Variants in ZNF763 observed in about 807,000 individuals in gnomAD.
ZNF763 encodes the protein zinc finger protein 763.
In ZNF763, 33 loss-of-function variants were observed where a neutral mutation model predicts 38.0. The ratio of observed to expected loss-of-function variants is 0.87; its 90% CI spans 0.66 to 1.16. The LOEUF is 1.16. Among genes scored for constraint, ZNF763 ranks in the 50% most tolerant of loss-of-function variants. ZNF763 has a pLI of 0.00. For synonymous variants in ZNF763, 155 were observed against 160.1 expected, an observed-to-expected ratio of 0.97 and a Z score of 0.24; for missense variants, 423 against 469.1, an observed-to-expected ratio of 0.90 and a Z score of 0.91.
chr19:11,968,025 G>A (rs895824779), intron 1 of ZNF763, among the ~76,000 whole-genome samples: 3 of 152,274 alleles, frequency 2.0e-5, no homozygotes, highest in Middle Eastern at 3.4e-3. Flanking sequence ...TTGTGGGAGT[G>A]TAAGGATACT....
At position 11,979,607 on chromosome 19, in the gene ZNF763, C is replaced by T. The variant is rs113975740; in HGVS notation, c.*498C>T. ...TTCCTTTTGGTACCATGAAAGGACT[C>T]ACACTGGAGAGAAACCCTATGAGTG... On this transcript the variant is annotated 3_prime_UTR_variant, in exon 4 of 4. Coordinates refer to ENST00000358987, the MANE Select transcript of ZNF763 (RefSeq NM_001367172.2). The T allele has an allele frequency of 5.2e-3, 8,427 of 1,605,312 alleles. 350 individuals carry two copies. The African/African-American group carries it at 0.092, about 18-fold the overall frequency.
chr19:11,974,381 GA>G (rs1318977061), intron 1 of ZNF763, among the ~76,000 whole-genome samples: 2 of 151,284 alleles, frequency 1.3e-5, no homozygotes, highest in Non-Finnish European at 2.9e-5. Context: ...ATTATTAGTA[GA>G]GATGACATTT....
chr19:11,970,701 G>A (rs1973333131), intron 1 of ZNF763, among the ~76,000 whole-genome samples: 1 of 152,294 alleles, frequency 6.6e-6, no homozygotes. Flanking sequence ...GGAGGCTGAG[G>A]CTGGCAGATC....
At position 11,979,015 on chromosome 19, in the gene ZNF763, C is replaced by T. The variant is rs375065633; in HGVS notation, c.1091C>T (p.Ala364Val). 5.3e-5 allele frequency: 86 copies of T among 1,613,916 alleles called. No individual in the cohort carries two copies. Among genetic ancestry groups the T allele is most frequent in the Non-Finnish European group, 6.4e-5 (76 of 1,180,004 alleles). ...SLRRHERTHSAKKPYECKQCG... is the reference protein window; with the variant it reads ...SLRRHERTHSVKKPYECKQCG... Reference sequence around the variant, plus strand: ...CGTAGACATGAAAGGACCCACTCTGCGAAAAAACCTTATGAATGTAAGCAG... The same window carrying T: ...CGTAGACATGAAAGGACCCACTCTGTGAAAAAACCTTATGAATGTAAGCAG... The change falls in exon 4 of 4, where the codon GCG becomes GTG. Residue 364 changes from alanine (A) to valine (V), a missense_variant. Physicochemically the swap from Ala to Val is moderately conservative, Grantham distance 64 (BLOSUM62 0). Coordinates refer to ENST00000358987, the MANE Select transcript of ZNF763 (RefSeq NM_001367172.2).
At position 11,978,586 on chromosome 19, in the gene ZNF763, C is replaced by T. The variant is rs780404325; in HGVS notation, c.662C>T (p.Thr221Ile). 3.1e-6 allele frequency: 5 copies of T among 1,614,084 alleles called. No homozygotes were observed. The highest frequency in any genetic ancestry group is 1.3e-5 in the African/African-American group (1 of 74,944). The change falls in exon 4 of 4, where the codon ACT (threonine) becomes ATT (isoleucine). Residue 221 changes from threonine (T) to isoleucine (I), a missense_variant. Physicochemically the swap from Thr to Ile is moderately conservative, Grantham distance 89. Coordinates refer to ENST00000358987, the MANE Select transcript of ZNF763 (RefSeq NM_001367172.2). Reference protein sequence around the residue: ...CLRLYLIHERTHTGEKPYECK... With the variant: ...CLRLYLIHERIHTGEKPYECK... ...AGATTATATCTTATCCATGAAAGAA[C>T]TCACACTGGAGAGAAACCGTATGAA...
At position 11,980,387 on chromosome 19, in the gene ZNF763, A is replaced by AAG. The variant is rs200129809; in HGVS notation, c.*1279_*1280insGA. The AAG allele has an allele frequency of 0.022, 3,601 of 164,610 alleles. 53 individuals carry two copies. Among genetic ancestry groups the AAG allele is most frequent in the Middle Eastern group, 0.045 (15 of 334 alleles). The allele number at this position is 164,610 out of a possible 1,614,324, so 10.2% of individuals were successfully genotyped here. ...CAGGAGCAAAACTCCGTCTCAAAAA[A>AAG]AAAAAAAAAAAAGACTTGGCCTTGT... On this transcript the variant is annotated 3_prime_UTR_variant, in exon 4 of 4. Coordinates refer to ENST00000358987, the MANE Select transcript of ZNF763 (RefSeq NM_001367172.2).
At chr19:11,975,971 G>T (rs1357834136) in intron 1 of ZNF763, among the ~76,000 whole-genome samples, 2 of 150,844 alleles carry the variant, frequency 1.3e-5, no homozygotes. Flanking sequence ...GCTACACTCT[G>T]ACAGGATAAC....
At chr19:11,965,378 G>A (rs1451603394) in intron 1 of ZNF763, among the ~76,000 whole-genome samples, 167 bp downstream of exon 1, 4 of 152,216 alleles carry the variant, frequency 2.6e-5, no homozygotes, top group African/African-American at 4.8e-5. Context: ...GGATGGGGCT[G>A]GGCTGGCAGC....
intron 1 of ZNF763, among the ~76,000 whole-genome samples, chr19:11,974,126 T>TTTCTTTCTTTTCTTTCTTTC (rs1177618111): frequency 1.6e-4 from 9 of 55,080 alleles, no homozygotes; most frequent in Non-Finnish European, 3.7e-4. Flanking sequence ...TCTTTCTTTC[T>TTTCTTTCTTTTCTTTCTTTC]TTTCTTTCTT....
Position 11,965,096 on chromosome 19 carries a change from C to G in ZNF763, c.-113C>G, listed in dbSNP as rs900209571. 2 of 1,439,760 alleles carry G rather than the reference C, an allele frequency of 1.4e-6. No homozygotes were observed. The highest frequency in any genetic ancestry group is 1.2e-5 in the South Asian group (1 of 86,524). The allele number at this position is 1,439,760 out of a possible 1,614,324, so 89.2% of individuals were successfully genotyped here. A position where few individuals can be genotyped will look rare whatever the true frequency, so the allele number is the denominator to read the frequency against. On this transcript the variant is annotated 5_prime_UTR_variant, in exon 1 of 4. Coordinates refer to ENST00000358987, the MANE Select transcript of ZNF763 (RefSeq NM_001367172.2). ...GGTTGATATCCGCTGTATCCATCCC[C>G]GAGAGGGACCTGGTACCTCTACCCA...
rs200332406 is a variant in ZNF763, at chr19:11,978,607, A to G, written c.683A>G (p.Tyr228Cys). ...HERTHTGEKP[Y>C]ECKQCVKSFS... is the part of the protein sequence containing the mutation. ...AGAACTCACACTGGAGAGAAACCGT[A>G]TGAATGTAAACAATGTGTTAAATCC... Residue 228 changes from tyrosine to cysteine, a missense_variant, in exon 4 of 4, where the codon TAT becomes TGT. Coordinates refer to ENST00000358987, the MANE Select transcript of ZNF763 (RefSeq NM_001367172.2). 2.5e-4 allele frequency: 399 copies of G among 1,614,202 alleles called. 2 individuals are homozygous for G. The African/African-American group carries it at 4.8e-3, about 19-fold the overall frequency.
At chr19:11,965,684 C>G (rs1385542699) in intron 1 of ZNF763, among the ~76,000 whole-genome samples, 1 of 152,198 alleles carries the variant, frequency 6.6e-6, no homozygotes, top group East Asian at 1.9e-4. Context: ...CCAGTCCTGG[C>G]TTGTGGTTTG....
chr19:11,969,251 C>T (rs1356657285), intron 1 of ZNF763, among the ~76,000 whole-genome samples: 3 of 152,116 alleles, frequency 2.0e-5, no homozygotes, highest in East Asian at 1.9e-4. Flanking sequence ...ATTACAGGTG[C>T]GTGCCACCAC....
intron 1 of ZNF763, among the ~76,000 whole-genome samples, chr19:11,969,178 C>A (rs1278163406): frequency 6.6e-6 from 1 of 152,210 alleles, no homozygotes; most frequent in Non-Finnish European, 1.5e-5. Flanking sequence ...GATCTCAGCT[C>A]ACTGCAGCCT....
chr19:11,965,511 G>T (rs1973208412), intron 1 of ZNF763, among the ~76,000 whole-genome samples: 1 of 152,246 alleles, frequency 6.6e-6, no homozygotes, highest in African/African-American at 2.4e-5. Context: ...GCCACGAGAG[G>T]GTCATGGGGG....
In ZNF763 at chr19:11,978,447, A is replaced by G. The variant is rs762753470; in HGVS notation, c.523A>G (p.Lys175Glu). ...NHTGEKPYACKECGKTFISHS... is the reference protein window; with the variant it reads ...NHTGEKPYACEECGKTFISHS... ...CACCGGAGAGAAACCCTATGCTTGT[A>G]AAGAATGTGGAAAAACCTTTATTTC... The change falls in exon 4 of 4, where the codon AAA (lysine) becomes GAA (glutamate). Residue 175 changes from lysine to glutamate, a missense_variant. By Grantham distance (56) the Lys-to-Glu change is moderately conservative. Coordinates refer to ENST00000358987, the MANE Select transcript of ZNF763 (RefSeq NM_001367172.2). The G allele has an allele frequency of 3.7e-6, 6 of 1,614,096 alleles. No homozygotes were observed. Among genetic ancestry groups the G allele is most frequent in the Admixed American group, 3.3e-5 (2 of 60,006 alleles).
In ZNF763 at chr19:11,965,144, G is replaced by A; in HGVS notation, c.-65G>A. The A allele has an allele frequency of 1.2e-6, 2 of 1,611,322 alleles. No individual in the cohort carries two copies. Among genetic ancestry groups the A allele is most frequent in the Non-Finnish European group, 1.7e-6 (2 of 1,177,650 alleles). On this transcript the variant is annotated 5_prime_UTR_variant, in exon 1 of 4. Transcript: ENST00000358987. ...CCAGGTTTCTATCGCTCTGTCTCCT[G>A]CGCTGTGCCCTTCTGTAGTCACAGG...
At chr19:11,977,309 T>C (rs1973515947) in intron 2 of ZNF763, 62 bp from the exon 3 acceptor site, 10 of 1,606,072 alleles carry the variant, frequency 6.2e-6, no homozygotes, top group Non-Finnish European at 8.5e-6. Context: ...AGACATAGAA[T>C]CTAATAATTT....
chr19:11,978,183 G>A lies in ZNF763; in HGVS notation c.259G>A (p.Val87Ile), dbSNP rs1263755025. The A allele has an allele frequency of 6.2e-7, 1 of 1,614,012 alleles. No individual in the cohort carries two copies. Among genetic ancestry groups the A allele is most frequent in the South Asian group, 1.1e-5 (1 of 91,072 alleles). ...DSHCGETFTQ[V>I]PDDRLNFQEK... ...TCATTGTGGAGAAACTTTTACCCAG[G>A]TTCCAGATGACAGGCTGAACTTCCA... is the stretch of plus-strand genomic sequence containing the variant. Residue 87 changes from valine (V) to isoleucine (I), a missense_variant, in exon 4 of 4, where the codon GTT becomes ATT. Transcript: ENST00000358987.
Sources: gnomAD v4.1 joint callset for allele counts (sites outside exome capture counted in the v4.1 genomes callset) on GRCh38, gnomAD v4.1.1 for gene constraint, MANE v1.5 for transcripts, NCBI Gene and HGNC (gene_info 2026-07-23, HGNC 2026-07-21) for gene names.